The following CDH18 variants were observed in gnomAD, a reference collection of about 807,000 sequenced individuals.
CDH18 encodes cadherin 18.
CDH18 carries 31 observed loss-of-function variants against 67.9 expected under a neutral mutation model. That is an observed-to-expected ratio of 0.46 (90% CI 0.34 to 0.62). The LOEUF (loss-of-function observed/expected upper bound fraction) is 0.62, where lower values mean the gene tolerates loss of function less well. Among genes scored for constraint, CDH18 ranks in the 20% least tolerant of loss-of-function variants. The pLI, the probability that CDH18 is intolerant of heterozygous loss-of-function variation, is 0.01. For missense variants in CDH18, 890 were observed against 975.5 expected (o/e 0.91, Z 1.17); for synonymous variants, 362 against 347.2 (o/e 1.04, Z -0.48).
chr5:19,736,196 G>T (rs763625802), intron 4 of CDH18, among the ~76,000 whole-genome samples: 1 of 152,124 alleles, frequency 6.6e-6, no homozygotes, highest in African/African-American at 2.4e-5. Context: ...ATTTTGTTCA[G>T]TGTGGGCAAC....
chr5:20,519,942 CTTTTTTTTTTTTTTTTTTTTTTTT>C (rs777265512), intron 1 of CDH18, among the ~76,000 whole-genome samples: 1,061 of 41,696 alleles, frequency 0.025, 36 homozygotes, highest in Middle Eastern at 0.06. Flanking sequence ...ACAGTCTTGG[CTTTTTTTTTTTTTTTTTTTTTTTT>C]TTTTTTTTTT....
At chr5:19,889,220 A>G (rs555200964) in intron 2 of CDH18, among the ~76,000 whole-genome samples, 117 of 152,206 alleles carry the variant, frequency 7.7e-4, no homozygotes, top group Non-Finnish European at 1.5e-3. Flanking sequence ...TGAATCCAAC[A>G]ATGTACTACT....
intron 2 of CDH18, among the ~76,000 whole-genome samples, chr5:20,232,291 T>TC (rs1742139100): frequency 6.6e-6 from 1 of 152,154 alleles, no homozygotes; most frequent in Admixed American, 6.6e-5. Flanking sequence ...TCTATATGTT[T>TC]CATTACCTTA....
chr5:20,278,910 A>G (rs117705059), intron 1 of CDH18, among the ~76,000 whole-genome samples: 1 of 152,246 alleles, frequency 6.6e-6, no homozygotes, highest in East Asian at 1.9e-4. Flanking sequence ...ACATGTAAGA[A>G]ATTAAAATAC....
At chr5:19,648,347 G>A (rs895913649) in intron 5 of CDH18, among the ~76,000 whole-genome samples, 5 of 152,106 alleles carry the variant, frequency 3.3e-5, no homozygotes, top group African/African-American at 7.2e-5. Context: ...CCCAAAAGGC[G>A]GAGGCTACAG....
chr5:20,553,285 T>G (rs73048798), intron 1 of CDH18, among the ~76,000 whole-genome samples: 1 of 152,270 alleles, frequency 6.6e-6, no homozygotes, highest in African/African-American at 2.4e-5. Flanking sequence ...ATATTTATTA[T>G]TTTTGGTGCT....
intron 5 of CDH18, among the ~76,000 whole-genome samples, chr5:19,618,581 G>A (rs956442686): frequency 3.9e-5 from 6 of 152,066 alleles, no homozygotes; most frequent in African/African-American, 2.4e-5. Context: ...CAGAAAATGG[G>A]TAGGACTCCC....
intron 1 of CDH18, among the ~76,000 whole-genome samples, chr5:20,337,658 CT>C (rs1361558012): frequency 5.9e-5 from 9 of 152,204 alleles, no homozygotes; most frequent in Non-Finnish European, 1.0e-4. Context: ...CAACAAGTCT[CT>C]AGAAAGGTCC....
At chr5:19,895,433 A>T (rs73059663) in intron 2 of CDH18, among the ~76,000 whole-genome samples, 10,336 of 152,250 alleles carry the variant, frequency 0.068, 401 homozygotes, top group South Asian at 0.15. Flanking sequence ...TTAAAAGAGC[A>T]AAGGGTCTGA....
In CDH18 at chr5:19,647,297, C is replaced by T. The variant is rs146620271; in HGVS notation, c.644-34696G>A. Among the ~76,000 whole-genome samples the T allele has an allele frequency of 4.6e-5, 7 of 151,524 alleles. No individual in the cohort carries two copies. The South Asian group carries it at 8.3e-4, about 18-fold the overall frequency. The stretch of plus-strand genomic sequence containing the variant: ...CAGCACTTTGGTAGGCCGAAGCAGG[C>T]GGATCACGAGGTCAAGAGATTGAGA... On this transcript the variant is annotated intron_variant, in intron 5 of 12. Coordinates refer to ENST00000382275, the MANE Select transcript of CDH18 (RefSeq NM_004934.5).
chr5:20,067,740 T>C (rs1230167010), intron 2 of CDH18, among the ~76,000 whole-genome samples: 6 of 152,090 alleles, frequency 3.9e-5, no homozygotes, highest in African/African-American at 9.6e-5. Flanking sequence ...TAAAGAAGCA[T>C]TGCTCACTAA....
intron 3 of CDH18, among the ~76,000 whole-genome samples, chr5:19,792,373 A>C (rs912638227): frequency 1.3e-5 from 2 of 152,030 alleles, no homozygotes; most frequent in Admixed American, 6.6e-5. Flanking sequence ...CCTGGTTCTC[A>C]AGTCTTTGAA....
At chr5:20,435,743 A>T (rs12697583) in intron 1 of CDH18, among the ~76,000 whole-genome samples, 33,494 of 151,962 alleles carry the variant, frequency 0.22, 3,874 homozygotes, top group East Asian at 0.3. Context: ...TAAGTCCAGA[A>T]AAGAAAAATA....
intron 1 of CDH18, among the ~76,000 whole-genome samples, chr5:20,492,618 T>C (rs1390372531): frequency 1.3e-5 from 2 of 152,142 alleles, no homozygotes; most frequent in African/African-American, 4.8e-5. Flanking sequence ...AGGTTGTTCT[T>C]GGCAAAGCTC....
chr5:19,617,649 T>C (rs1368481045), intron 5 of CDH18, among the ~76,000 whole-genome samples: 1 of 152,242 alleles, frequency 6.6e-6, no homozygotes, highest in Non-Finnish European at 1.5e-5. Context: ...AATTGTTGCC[T>C]CTTATTCTCT....
chr5:20,313,032 A>C (rs1407695413), intron 1 of CDH18, among the ~76,000 whole-genome samples: 1 of 152,106 alleles, frequency 6.6e-6, no homozygotes, highest in African/African-American at 2.4e-5. Context: ...CTATTTTTTC[A>C]GGAGGTTATA....
At chr5:19,515,009 G>A (rs896089768) in intron 10 of CDH18, among the ~76,000 whole-genome samples, 10 of 152,236 alleles carry the variant, frequency 6.6e-5, no homozygotes, top group Admixed American at 3.3e-4. Flanking sequence ...AATCCATCTC[G>A]AATTAATATC....
intron 1 of CDH18, among the ~76,000 whole-genome samples, chr5:20,453,132 C>T (rs1750587576): frequency 6.6e-6 from 1 of 152,114 alleles, no homozygotes; most frequent in African/African-American, 2.4e-5. Flanking sequence ...CAAACCTGCA[C>T]CCTGGTACTC....
At chr5:20,246,989 T>C (rs1414492966) in intron 2 of CDH18, among the ~76,000 whole-genome samples, 2 of 152,140 alleles carry the variant, frequency 1.3e-5, no homozygotes, top group Non-Finnish European at 2.9e-5. Flanking sequence ...TCAGCTCTTT[T>C]CCTCATGCTC....
Sources: gnomAD v4.1 joint callset for allele counts (sites outside exome capture counted in the v4.1 genomes callset) on GRCh38, gnomAD v4.1.1 for gene constraint, MANE v1.5 for transcripts, NCBI Gene and HGNC (gene_info 2026-07-23, HGNC 2026-07-21) for gene names.